MORN5: variants seen among roughly 807,000 people sequenced by gnomAD.
MORN5 encodes MORN repeat containing 5.
Under a neutral mutation model 22.1 loss-of-function variants are expected in MORN5, and 21 were observed. The ratio of observed to expected loss-of-function variants is 0.95; its 90% CI spans 0.67 to 1.37. The LOEUF (loss-of-function observed/expected upper bound fraction) is 1.37, where lower values mean the gene tolerates loss of function less well. Among genes scored for constraint, MORN5 ranks in the 40% most tolerant of loss-of-function variants. MORN5 has a pLI of 0.00. For missense variants in MORN5, 211 were observed against 215.1 expected (o/e 0.98, Z 0.12); for synonymous variants, 73 against 74.0 (o/e 0.99, Z 0.07).
chr9:122,197,288 TC>T lies in MORN5; in HGVS notation c.440-2592del, dbSNP rs889685690. ...ATCTTTTTTCTCCCTCCTTTCCCTCTCCCCCTCCTACCAAAAAAGGGGAGAA... is the reference window on the plus strand; with the variant it reads ...ATCTTTTTTCTCCCTCCTTTCCCTCTCCCCTCCTACCAAAAAAGGGGAGAA... On this transcript the variant is annotated intron_variant, in intron 4 of 4. Coordinates refer to ENST00000373764, the MANE Select transcript of MORN5 (RefSeq NM_198469.4). The surrounding 1 kb of genome is among the most constrained non-coding windows in gnomAD (Gnocchi z 5.7). Among the ~76,000 whole-genome samples, 5 of 151,876 alleles carry T rather than the reference TC, an allele frequency of 3.3e-5. No homozygotes were observed. The highest frequency in any genetic ancestry group is 4.4e-5 in the Non-Finnish European group (3 of 67,982).
chr9:122,195,133 G>A (rs981343794), intron 4 of MORN5, among the ~76,000 whole-genome samples: 8 of 152,172 alleles, frequency 5.3e-5, no homozygotes, highest in African/African-American at 1.9e-4. Flanking sequence ...GTGAAGGGAT[G>A]TCCACTCCTC....
chr9:122,175,727 A>T (rs1001447842), intron 4 of MORN5: 3 of 981,796 alleles, frequency 3.1e-6, no homozygotes, highest in Non-Finnish European at 3.6e-6. Flanking sequence ...AGACCAGAAC[A>T]TCTGTGCTGG....
At chr9:122,199,063 A>G (rs1829955928) in intron 4 of MORN5, among the ~76,000 whole-genome samples, 2 of 152,302 alleles carry the variant, frequency 1.3e-5, no homozygotes, top group South Asian at 4.2e-4. Flanking sequence ...AAATGAAAAT[A>G]AAGTAAATCC....
chr9:122,191,474 C>T lies in MORN5; in HGVS notation c.440-8411C>T, dbSNP rs141511454. On this transcript the variant is annotated intron_variant, in intron 4 of 4. Transcript: ENST00000373764. ...CTTAAGTGGAGACAGCCCCATCTCACTCACTGAGGAGAGGACGAGTGTAGC... is the reference window on the plus strand; with the variant it reads ...CTTAAGTGGAGACAGCCCCATCTCATTCACTGAGGAGAGGACGAGTGTAGC... Among the ~76,000 whole-genome samples, 952 of 152,348 alleles carry T rather than the reference C, an allele frequency of 6.2e-3. 8 individuals carry two copies. Among genetic ancestry groups the T allele is most frequent in the African/African-American group, 0.022 (918 of 41,576 alleles).
intron 4 of MORN5, among the ~76,000 whole-genome samples, chr9:122,195,968 A>ATATTTATTATTTATTTATT (rs139271006): frequency 4.1e-5 from 6 of 147,488 alleles, no homozygotes; most frequent in African/African-American, 1.3e-4. Context: ...ATTTTGTTTT[A>ATATTTATTATTTATTTATT]TATTTATTTA....
Position 122,197,931 on chromosome 9 carries a change from G to T in MORN5, c.440-1954G>T, listed in dbSNP as rs1003708150. Among the ~76,000 whole-genome samples, 2 of 152,196 alleles carry T rather than the reference G, an allele frequency of 1.3e-5. No homozygotes were observed. The highest frequency in any genetic ancestry group is 1.3e-4 in the Admixed American group (2 of 15,282). Reference sequence around the variant, plus strand: ...GGCAGCCTCCCCAGAGGAAACTGAGGCTCACTGGCTGCTTGCCAGAGTGTG... The same window carrying T: ...GGCAGCCTCCCCAGAGGAAACTGAGTCTCACTGGCTGCTTGCCAGAGTGTG... On this transcript the variant is annotated intron_variant, in intron 4 of 4. Coordinates refer to ENST00000373764, the MANE Select transcript of MORN5 (RefSeq NM_198469.4). This position sits in a 1 kb window ranked among gnomAD's most constrained non-coding sequence, Gnocchi z 5.7.
intron 4 of MORN5, among the ~76,000 whole-genome samples, chr9:122,178,684 C>T (rs987204790): frequency 1.3e-5 from 2 of 152,188 alleles, no homozygotes; most frequent in African/African-American, 2.4e-5. Flanking sequence ...TTCCATTTGC[C>T]TTGAGCCCAC....
intron 4 of MORN5, among the ~76,000 whole-genome samples, chr9:122,178,640 T>C (rs578190439): frequency 6.6e-6 from 1 of 152,340 alleles, no homozygotes; most frequent in East Asian, 1.9e-4. Flanking sequence ...GTAGTTAATA[T>C]TCATAAATTC....
chr9:122,170,500 C>T lies in MORN5; in HGVS notation c.307+744C>T, dbSNP rs181402188. ...TATTTTAAAAAGAAAGAGTTAAGGACGAAAGCAGTACTGACAGAGCATGTG... is the reference window on the plus strand; with the variant it reads ...TATTTTAAAAAGAAAGAGTTAAGGATGAAAGCAGTACTGACAGAGCATGTG... On this transcript the variant is annotated intron_variant, in intron 3 of 4. Transcript: ENST00000373764. Among the ~76,000 whole-genome samples, 123 of 152,244 alleles carry T rather than the reference C, an allele frequency of 8.1e-4. 2 individuals carry two copies. The highest frequency in any genetic ancestry group is 4.0e-4 in the Non-Finnish European group (27 of 68,022).
chr9:122,182,319 A>C (rs1829548045), intron 4 of MORN5, among the ~76,000 whole-genome samples: 1 of 152,214 alleles, frequency 6.6e-6, no homozygotes, highest in Admixed American at 6.5e-5. Flanking sequence ...AATGCTTAGC[A>C]CATAACAGAA....
chr9:122,199,046 G>T (rs1191653180), intron 4 of MORN5, among the ~76,000 whole-genome samples: 1 of 152,196 alleles, frequency 6.6e-6, no homozygotes, highest in Non-Finnish European at 1.5e-5. Context: ...GGAGGAGAAA[G>T]GAGGAAAAAT....
At chr9:122,183,784 C>T (rs1415910860) in intron 4 of MORN5, among the ~76,000 whole-genome samples, 2 of 152,342 alleles carry the variant, frequency 1.3e-5, no homozygotes, top group East Asian at 1.9e-4. Flanking sequence ...ACCGCTTAAT[C>T]GTGCTGCTCT....
chr9:122,182,629 T>C (rs951313813), intron 4 of MORN5, among the ~76,000 whole-genome samples: 1 of 152,208 alleles, frequency 6.6e-6, no homozygotes, highest in African/African-American at 2.4e-5. Flanking sequence ...CGCACACCTG[T>C]AGTCCCAGCT....
chr9:122,199,821 C>G (rs564953386), intron 4 of MORN5, 64 bp from the exon 5 acceptor site: 11 of 1,548,608 alleles, frequency 7.1e-6, no homozygotes, highest in Non-Finnish European at 9.8e-6. Context: ...CCTGGGGAAC[C>G]CCCCAGGCCA....
In MORN5 at chr9:122,175,445, G is replaced by T. The variant is rs866544394; in HGVS notation, c.439+818G>T. 2.0e-5 allele frequency: 20 copies of T among 984,658 alleles called. No homozygotes were observed. In the Admixed American group the frequency reaches 7.4e-4, roughly 36 times the overall value. The allele number at this position is 984,658 out of a possible 1,614,324, so 61.0% of individuals were successfully genotyped here. A position where few individuals can be genotyped will look rare whatever the true frequency, so the allele number is the denominator to read the frequency against. On this transcript the variant is annotated intron_variant, in intron 4 of 4. Transcript: ENST00000373764. ...CCATTTACAGTGACCAAACTCACAG[G>T]AGATCAATACACAAATAATAGAACA...
chr9:122,177,905 G>T (rs865779552), intron 4 of MORN5, among the ~76,000 whole-genome samples: 5 of 152,176 alleles, frequency 3.3e-5, no homozygotes. Flanking sequence ...CCCACAGAGG[G>T]GAGATAGGAA....
chr9:122,192,789 G>A (rs1280831661), intron 4 of MORN5, among the ~76,000 whole-genome samples: 1 of 152,216 alleles, frequency 6.6e-6, no homozygotes, highest in Admixed American at 6.5e-5. Context: ...GCAGCTGGCG[G>A]TCTTGGACTT....
intron 4 of MORN5, among the ~76,000 whole-genome samples, chr9:122,193,930 G>T (rs1163027795): frequency 6.6e-6 from 1 of 152,236 alleles, no homozygotes; most frequent in African/African-American, 2.4e-5. Flanking sequence ...GACCTTGAAG[G>T]CCAGGCTGAG....
At chr9:122,194,679 C>A (rs1052039172) in intron 4 of MORN5, among the ~76,000 whole-genome samples, 6 of 152,020 alleles carry the variant, frequency 3.9e-5, no homozygotes, top group Non-Finnish European at 8.8e-5. Flanking sequence ...AAACATGGTC[C>A]CTGCATTGAG....
Sources: allele counts gnomAD v4.1 joint callset (sites outside exome capture counted in the v4.1 genomes callset), GRCh38; gene constraint gnomAD v4.1.1; non-coding constraint Gnocchi (gnomAD v3.1); transcripts MANE v1.5; gene names NCBI Gene and HGNC (gene_info 2026-07-23, HGNC 2026-07-21).